TENM4: variants seen among roughly 807,000 people sequenced by gnomAD.
TENM4 encodes teneurin-4.
A neutral mutation model predicts 243.3 loss-of-function variants in TENM4; 82 were observed. The observed-to-expected ratio is 0.34, with a 90% CI of 0.28 to 0.40. The LOEUF (loss-of-function observed/expected upper bound fraction) is 0.40. Ranked by LOEUF, TENM4 falls within the 10% of genes least tolerant of loss-of-function variation. TENM4 has a pLI of 1.00. For missense variants in TENM4, 3,138 were observed against 3,673.3 expected, an observed-to-expected ratio of 0.85 and a Z score of 3.77; for synonymous variants, 1,412 against 1,456.3, an observed-to-expected ratio of 0.97 and a Z score of 0.69.
rs146970309 is a variant in TENM4, at chr11:79,157,333, G to A, written c.-162-8527C>T. Among the ~76,000 whole-genome samples, 464 of 152,152 alleles carry A rather than the reference G, an allele frequency of 3.0e-3. 4 individuals carry two copies. The highest frequency in any genetic ancestry group is 0.011 in the African/African-American group (441 of 41,500). On this transcript the variant is annotated intron_variant, in intron 3 of 33. Transcript: ENST00000278550. ...CATACAGGTCTTTAACACCCTGGGCGGCTGTCCTCAATAATCTGTGCTGCA... is the reference window on the plus strand; with the variant it reads ...CATACAGGTCTTTAACACCCTGGGCAGCTGTCCTCAATAATCTGTGCTGCA...
At chr11:79,343,866 G>GTCTGCAGGAGCCTGGA (rs1299582156) in intron 1 of TENM4, among the ~76,000 whole-genome samples, 2 of 152,238 alleles carry the variant, frequency 1.3e-5, no homozygotes, top group Non-Finnish European at 2.9e-5. Flanking sequence ...TCATGCCTGG[G>GTCTGCAGGAGCCTGGA]TCTGCAGGAG....
intron 1 of TENM4, among the ~76,000 whole-genome samples, chr11:79,435,312 A>C (rs1275517210): frequency 1.3e-5 from 2 of 152,226 alleles, no homozygotes; most frequent in Non-Finnish European, 2.9e-5. Flanking sequence ...GACATTTTCC[A>C]TACAGAGAAC....
chr11:79,081,055 T>A (rs1860657757), intron 4 of TENM4, among the ~76,000 whole-genome samples: 1 of 152,074 alleles, frequency 6.6e-6, no homozygotes, highest in Non-Finnish European at 1.5e-5. Context: ...GAAACCAACA[T>A]CCCAGAAAGG....
intron 1 of TENM4, among the ~76,000 whole-genome samples, chr11:79,372,536 G>C (rs1049994349): frequency 2.6e-5 from 4 of 152,158 alleles, no homozygotes; most frequent in Non-Finnish European, 5.9e-5. Flanking sequence ...ACCAGAAACT[G>C]ATCCTTTGCT....
intron 3 of TENM4, among the ~76,000 whole-genome samples, chr11:79,209,646 A>C (rs1863919527): frequency 6.6e-6 from 1 of 152,190 alleles, no homozygotes; most frequent in Non-Finnish European, 1.5e-5. Context: ...GAAGCAGAAG[A>C]AGCCTAGGAA....
At chr11:79,329,605 G>A (rs1303716772) in intron 1 of TENM4, among the ~76,000 whole-genome samples, 3 of 152,162 alleles carry the variant, frequency 2.0e-5, no homozygotes, top group East Asian at 1.9e-4. Flanking sequence ...GTCGAGGATC[G>A]AGATAACTAG....
At position 78,814,306 on chromosome 11, in the gene TENM4, C is replaced by T. The variant is rs933300819; in HGVS notation, c.1771G>A (p.Asp591Asn). The T allele has an allele frequency of 2.2e-5, 34 of 1,549,890 alleles. No individual in the cohort carries two copies. Among genetic ancestry groups the T allele is most frequent in the Admixed American group, 1.4e-4 (7 of 50,796 alleles). Residue 591 changes from aspartate to asparagine, a missense_variant, in exon 13 of 34, where the codon GAC (aspartate) becomes AAC (asparagine). This residue lies in a region of TENM4 where 2,467 missense variants were observed against 3,059.1 expected (regional missense o/e 0.81). Coordinates refer to ENST00000278550, the MANE Select transcript of TENM4 (RefSeq NM_001098816.3). ...GCAGAGTTCTCACCTCTGCCACAGT[C>T]GGGGCCCAGGAAACCCAGGAAGCAG... ...CHCFLGFLGP[D>N]CGRASCPVLC...
At chr11:78,954,547 T>C (rs958486162) in intron 6 of TENM4, among the ~76,000 whole-genome samples, 4 of 152,238 alleles carry the variant, frequency 2.6e-5, no homozygotes, top group Non-Finnish European at 5.9e-5. Context: ...AATGTCCTTG[T>C]TTAATGCAGA....
At chr11:78,911,849 A>G (rs1339394291) in intron 6 of TENM4, among the ~76,000 whole-genome samples, 2 of 152,230 alleles carry the variant, frequency 1.3e-5, no homozygotes. Flanking sequence ...CCAGTCTGCT[A>G]GAGCACAGAT....
chr11:78,788,369 G>C (rs561774300), intron 15 of TENM4, among the ~76,000 whole-genome samples: 2 of 152,210 alleles, frequency 1.3e-5, no homozygotes, highest in Admixed American at 1.3e-4. Context: ...TACTTATTAC[G>C]TGCAGTAACA....
At chr11:78,852,956 G>A (rs1266972110) in intron 12 of TENM4, among the ~76,000 whole-genome samples, 1 of 151,920 alleles carries the variant, frequency 6.6e-6, no homozygotes, top group Non-Finnish European at 1.5e-5. Flanking sequence ...ATCTTGCTAT[G>A]TTGCCCAGGC....
intron 4 of TENM4, among the ~76,000 whole-genome samples, chr11:79,102,766 C>T (rs1861267945): frequency 6.6e-6 from 1 of 152,252 alleles, no homozygotes; most frequent in South Asian, 2.1e-4. Flanking sequence ...GTCCATGTGG[C>T]CAGCTAGCCA....
intron 4 of TENM4, among the ~76,000 whole-genome samples, chr11:79,086,439 T>C (rs776835298): frequency 6.6e-6 from 1 of 152,212 alleles, no homozygotes; most frequent in Non-Finnish European, 1.5e-5. Context: ...CATTTTAGGG[T>C]GATATGTTAT....
At chr11:79,306,698 A>G (rs1281967276) in intron 1 of TENM4, among the ~76,000 whole-genome samples, 4 of 152,204 alleles carry the variant, frequency 2.6e-5, no homozygotes, top group South Asian at 2.1e-4. Context: ...TGCATTTTAT[A>G]ACCATCCTCA....
At chr11:79,229,237 T>C (rs1396981700) in intron 2 of TENM4, among the ~76,000 whole-genome samples, 3 of 152,240 alleles carry the variant, frequency 2.0e-5, no homozygotes. Context: ...GGAGCAGCCT[T>C]GGTAGACAGG....
chr11:79,003,617 A>G (rs796344226), intron 6 of TENM4, among the ~76,000 whole-genome samples: 9 of 152,314 alleles, frequency 5.9e-5, no homozygotes, highest in African/African-American at 2.2e-4. Context: ...ATTTGCTACC[A>G]TGAGACCTGC....
intron 3 of TENM4, among the ~76,000 whole-genome samples, chr11:79,204,084 G>A (rs555495122): frequency 6.6e-5 from 10 of 151,862 alleles, no homozygotes; most frequent in African/African-American, 2.4e-4. Context: ...AGCAGGGATG[G>A]GAATAAGGTG....
chr11:79,127,914 C>T (rs1259732942), intron 4 of TENM4, among the ~76,000 whole-genome samples: 5 of 152,186 alleles, frequency 3.3e-5, no homozygotes, highest in Non-Finnish European at 5.9e-5. Context: ...CCTCCTACAA[C>T]CAAGAAAGAG....
chr11:78,736,777 G>A (rs555958298), intron 20 of TENM4, among the ~76,000 whole-genome samples: 59 of 152,128 alleles, frequency 3.9e-4, no homozygotes, highest in Non-Finnish European at 8.1e-4. Context: ...GGCTGAGTTG[G>A]GAAGAAAATT....
Sources: allele counts gnomAD v4.1 joint callset (sites outside exome capture counted in the v4.1 genomes callset), GRCh38; gene constraint gnomAD v4.1.1; regional missense constraint gnomAD v4.1.1; transcripts MANE v1.5; gene names NCBI Gene and HGNC (gene_info 2026-07-23, HGNC 2026-07-21).